Variants in GYS1 observed in about 807,000 individuals in gnomAD.
GYS1 encodes the protein glycogen synthase 1, also known as glycogen [starch] synthase, muscle.
A neutral mutation model predicts 89.1 loss-of-function variants in GYS1; 60 were observed. The ratio of observed to expected loss-of-function variants is 0.67; its 90% CI spans 0.55 to 0.84. The LOEUF (loss-of-function observed/expected upper bound fraction) is 0.84. Ranked by LOEUF, GYS1 falls within the 40% of genes least tolerant of loss-of-function variation. The pLI, the probability that GYS1 is intolerant of heterozygous loss-of-function variation, is 0.00. For missense variants in GYS1, 888 were observed against 1,003.1 expected, an observed-to-expected ratio of 0.89 and a Z score of 1.55; for synonymous variants, 366 against 401.7, an observed-to-expected ratio of 0.91 and a Z score of 1.06.
At chr19:48,973,449 T>C (rs1195063325) in intron 12 of GYS1, among the ~76,000 whole-genome samples, 1 of 152,056 alleles carries the variant, frequency 6.6e-6, no homozygotes, top group African/African-American at 2.4e-5. Flanking sequence ...GCAAGCACAG[T>C]TTGCAGGACT....
intron 2 of GYS1, among the ~76,000 whole-genome samples, chr19:48,989,069 C>G (rs533009599): frequency 1.3e-5 from 2 of 151,810 alleles, no homozygotes; most frequent in East Asian, 3.9e-4. Flanking sequence ...CCTTCCTTCC[C>G]TCTCTCCCTC....
At chr19:48,979,448 T>C (rs2038717561) in intron 8 of GYS1, among the ~76,000 whole-genome samples, 1 of 144,260 alleles carries the variant, frequency 6.9e-6, no homozygotes, top group Admixed American at 7.2e-5. Context: ...GAAATTCTCC[T>C]GCCTCAGCCT....
chr19:48,987,462 C>T, intron 2 of GYS1, 77 bp from the exon 3 acceptor site: 5 of 1,132,760 alleles, frequency 4.4e-6, no homozygotes, highest in Middle Eastern at 3.0e-4. Flanking sequence ...GTGGTTCTCC[C>T]ATTTGCAGGC....
At position 48,978,530 on chromosome 19, in the gene GYS1, TTTA is replaced by T. The variant is rs71294392; in HGVS notation, c.1170-376_1170-374del. ...TTGAGCCACTGTGCCCAGCAGTTTATTTATTATTATTATTATTATTATTGACAG... is the reference window on the plus strand; with the variant it reads ...TTGAGCCACTGTGCCCAGCAGTTTATTTATTATTATTATTATTATTGACAG... On this transcript the variant is annotated intron_variant, in intron 8 of 15. Coordinates refer to ENST00000323798, the MANE Select transcript of GYS1 (RefSeq NM_002103.5). Among the ~76,000 whole-genome samples, 145 of 146,718 alleles carry T rather than the reference TTTA, an allele frequency of 9.9e-4. 1 individual carries two copies. Among genetic ancestry groups the T allele is most frequent in the African/African-American group, 3.1e-3 (122 of 39,400 alleles).
chr19:48,970,058 G>A (rs2038533641), intron 14 of GYS1, among the ~76,000 whole-genome samples: 1 of 152,102 alleles, frequency 6.6e-6, no homozygotes, highest in Non-Finnish European at 1.5e-5. Context: ...CCTCAAACAG[G>A]GGCCGAATTC....
chr19:48,974,084 A>C, intron 12 of GYS1, 129 bp downstream of exon 12: 1 of 966,498 alleles, frequency 1.0e-6, no homozygotes, highest in East Asian at 2.7e-5. Flanking sequence ...GTAGCAGAAC[A>C]GGTGATTACC....
At chr19:48,982,232 TC>T (rs748654440) in intron 7 of GYS1, 22 bp downstream of exon 7, 2 of 1,611,964 alleles carry the variant, frequency 1.2e-6, no homozygotes, top group Non-Finnish European at 1.7e-6. Context: ...GCCCTCCCTG[TC>T]CCCTCATAGC....
At chr19:48,981,491 G>C (rs1568621835) in intron 8 of GYS1, 39 bp downstream of exon 8, 2 of 1,060,796 alleles carry the variant, frequency 1.9e-6, no homozygotes, top group South Asian at 2.5e-5. Context: ...ATGCATCTGG[G>C]AGTGGGCTGC....
Position 48,991,603 on chromosome 19 carries a change from G to T in GYS1, c.119-120C>A. The stretch of plus-strand genomic sequence containing the variant: ...CCCCAGACCTCTAGCTCAGGGGGAA[G>T]AGGGGACTGGGAGCCCATAGTTTGG... On this transcript the variant is annotated intron_variant, in intron 1 of 15. Transcript: ENST00000323798. This position sits in a 1 kb window ranked among gnomAD's most constrained non-coding sequence, Gnocchi z 4.7. The T allele has an allele frequency of 9.4e-7, 1 of 1,067,674 alleles. No individual in the cohort carries two copies. Among genetic ancestry groups the T allele is most frequent in the Non-Finnish European group, 1.4e-6 (1 of 712,194 alleles). The allele number at this position is 1,067,674 out of a possible 1,614,324, so 66.1% of individuals were successfully genotyped here.
intron 5 of GYS1, among the ~76,000 whole-genome samples, chr19:48,984,875 C>T (rs1248418843): frequency 4.0e-5 from 6 of 151,638 alleles, no homozygotes; most frequent in Admixed American, 2.6e-4. Context: ...AGCGAGACTC[C>T]GTCTCAAAAA....
At chr19:48,992,918 C>T in intron 1 of GYS1, 77 bp downstream of exon 1, 1 of 856,326 alleles carries the variant, frequency 1.2e-6, no homozygotes, top group Non-Finnish European at 2.0e-6. Flanking sequence ...TAGCCCCGTC[C>T]TCCTACAACT....
chr19:48,992,894 A>G (rs2038960963), intron 1 of GYS1, 101 bp downstream of exon 1: 1 of 785,580 alleles, frequency 1.3e-6, no homozygotes, highest in Non-Finnish European at 2.3e-6. Flanking sequence ...CCCAGGTCAC[A>G]AGGGTTCCCC....
chr19:48,993,130 G>GGTAGGGACCCCGGGGCCAGGTAGGGCT lies in GYS1; in HGVS notation c.-19_-18insAGCCCTACCTGGCCCCGGGGTCCCTAC. 1 of 1,402,428 alleles carries GGTAGGGACCCCGGGGCCAGGTAGGGCT rather than the reference G, an allele frequency of 7.1e-7. No homozygotes were observed. The highest frequency in any genetic ancestry group is 1.0e-6 in the Non-Finnish European group (1 of 987,328). The allele number at this position is 1,402,428 out of a possible 1,614,324, so 86.9% of individuals were successfully genotyped here. ...AAAGGCATGGCTGGCGCAGGAAGGG[G>GGTAGGGACCCCGGGGCCAGGTAGGGCT]GGCTCCGGGGATCTCCAGGTAGGGA... is the stretch of plus-strand genomic sequence containing the variant. On this transcript the variant is annotated 5_prime_UTR_variant, in exon 1 of 16. Coordinates refer to ENST00000323798, the MANE Select transcript of GYS1 (RefSeq NM_002103.5).
chr19:48,989,456 T>C (rs1478114456), intron 2 of GYS1, among the ~76,000 whole-genome samples: 2 of 140,630 alleles, frequency 1.4e-5, no homozygotes, highest in Non-Finnish European at 3.0e-5. Flanking sequence ...CACTCCAGAC[T>C]CAGCGACAGA....
intron 2 of GYS1, among the ~76,000 whole-genome samples, chr19:48,988,944 A>G (rs1023126923): frequency 1.3e-5 from 2 of 151,828 alleles, no homozygotes; most frequent in Admixed American, 6.6e-5. Context: ...CTTCCCCATG[A>G]TGCCTTGTTT....
At chr19:48,985,821 G>A (rs1327687919) in intron 4 of GYS1, 29 bp downstream of exon 4, 2 of 1,609,636 alleles carry the variant, frequency 1.2e-6, no homozygotes, top group Non-Finnish European at 1.7e-6. Flanking sequence ...CATACTCGCA[G>A]TCCCCCATCT....
intron 13 of GYS1, 85 bp from the exon 14 acceptor site, chr19:48,970,794 T>C: frequency 6.8e-7 from 1 of 1,470,736 alleles, no homozygotes; most frequent in Non-Finnish European, 9.5e-7. Flanking sequence ...GGACCCCTCC[T>C]CTCCCAGCGG....
At chr19:48,981,677 G>C (rs537587537) in intron 7 of GYS1, 41 bp from the exon 8 acceptor site, 1 of 1,283,652 alleles carries the variant, frequency 7.8e-7, no homozygotes, top group South Asian at 1.2e-5. Flanking sequence ...GATCATGTGG[G>C]GGAAGCCTGG....
At chr19:48,970,770 A>C (rs2270938) in intron 13 of GYS1, 61 bp from the exon 14 acceptor site, 1 of 1,536,474 alleles carries the variant, frequency 6.5e-7, no homozygotes, top group Non-Finnish European at 9.0e-7. Context: ...GGTCTCCAGG[A>C]CTCTGTGGCA....
Sources: allele counts gnomAD v4.1 joint callset (sites outside exome capture counted in the v4.1 genomes callset), GRCh38; gene constraint gnomAD v4.1.1; non-coding constraint Gnocchi (gnomAD v3.1); transcripts MANE v1.5; gene names NCBI Gene and HGNC (gene_info 2026-07-23, HGNC 2026-07-21).